Variants in STK3 observed in about 807,000 individuals in gnomAD.
STK3 encodes serine/threonine-protein kinase 3.
Under a neutral mutation model 58.0 loss-of-function variants are expected in STK3, and 41 were observed. That is an observed-to-expected ratio of 0.71 (90% confidence interval 0.55 to 0.92). STK3 has a LOEUF of 0.92. Ranked by LOEUF, STK3 falls within the 40% of genes least tolerant of loss-of-function variation. The pLI is 0.00. For missense variants in STK3, 479 were observed against 602.7 expected, an observed-to-expected ratio of 0.79 and a Z score of 2.15; for synonymous variants, 170 against 191.0, an observed-to-expected ratio of 0.89 and a Z score of 0.91.
rs1461958580 is a variant in STK3 at position 98,545,514 on chromosome 8, C to T, written c.1141+2455G>A. On this transcript the variant is annotated intron_variant, in intron 9 of 10. Coordinates refer to ENST00000419617, the MANE Select transcript of STK3 (RefSeq NM_006281.4). ...AAATACTTTTTGTCATTTTTCTCCA[C>T]TTCCCTTCAAAGGGTCTGTGGGTAA... Among the ~76,000 whole-genome samples, 3 of 152,302 alleles carry T rather than the reference C, an allele frequency of 2.0e-5. No homozygotes were observed. The East Asian group carries it at 5.8e-4, about 29-fold the overall frequency.
At chr8:98,695,851 T>C (rs1165323602) in intron 6 of STK3, among the ~76,000 whole-genome samples, 2 of 152,250 alleles carry the variant, frequency 1.3e-5, no homozygotes, top group Non-Finnish European at 2.9e-5. Flanking sequence ...ATGCGGGCTC[T>C]TTTTGGGTTC....
chr8:98,656,919 G>A (rs1821586268), intron 6 of STK3, among the ~76,000 whole-genome samples: 1 of 152,016 alleles, frequency 6.6e-6, no homozygotes, highest in South Asian at 2.1e-4. Flanking sequence ...TACTCTGAAA[G>A]GTGGATGAAA....
chr8:98,728,964 A>T (rs1369868401), intron 4 of STK3, among the ~76,000 whole-genome samples: 2 of 152,200 alleles, frequency 1.3e-5, no homozygotes, highest in Non-Finnish European at 2.9e-5. Flanking sequence ...ACATATACAT[A>T]TTTTTAAAAT....
downstream of STK3, among the ~76,000 whole-genome samples, chr8:98,454,221 TC>T (rs996095965): frequency 2.6e-5 from 4 of 152,150 alleles, no homozygotes; most frequent in African/African-American, 9.7e-5. Flanking sequence ...TCCTGTTCTC[TC>T]CCCTCCAGCT....
intron 1 of STK3, among the ~76,000 whole-genome samples, chr8:98,898,801 G>A (rs763361665): frequency 4.6e-5 from 7 of 152,146 alleles, no homozygotes; most frequent in African/African-American, 1.4e-4. Flanking sequence ...TATTTAAAAC[G>A]AAAGAAATAT....
chr8:98,571,105 G>A (rs975659987), intron 8 of STK3, among the ~76,000 whole-genome samples: 3 of 152,120 alleles, frequency 2.0e-5, no homozygotes, highest in African/African-American at 4.8e-5. Flanking sequence ...CAAGGCGGGT[G>A]GATCACTTGA....
rs145831889 is a variant in STK3 at position 98,793,591 on chromosome 8, T to C, written c.27-18772A>G. Among the ~76,000 whole-genome samples, 28 of 152,184 alleles carry C rather than the reference T, an allele frequency of 1.8e-4. No individual in the cohort carries two copies. In the East Asian group the frequency reaches 5.2e-3, roughly 28 times the overall value. ...AGACTTAAACAACCATACATAATAA[T>C]GGGAGACTTCAACAGCCCACTGACT... On this transcript the variant is annotated intron_variant, in intron 1 of 10. Coordinates refer to ENST00000419617, the MANE Select transcript of STK3 (RefSeq NM_006281.4).
At chr8:98,920,639 A>G (rs1434555075) in intron 1 of STK3, among the ~76,000 whole-genome samples, 1 of 152,182 alleles carries the variant, frequency 6.6e-6, no homozygotes, top group Admixed American at 6.5e-5. Flanking sequence ...ATTTTTCCAG[A>G]AGCTCTAGTT....
chr8:98,583,409 G>A (rs1814111600), intron 7 of STK3, among the ~76,000 whole-genome samples: 1 of 143,590 alleles, frequency 7.0e-6, no homozygotes, highest in Non-Finnish European at 1.5e-5. Context: ...CTTTCCAAGT[G>A]ATTTTTATGC....
chr8:98,379,536 T>C (rs1304884551), intron 1 of STK3, among the ~76,000 whole-genome samples: 2 of 152,220 alleles, frequency 1.3e-5, no homozygotes, highest in African/African-American at 4.8e-5. Context: ...CAATGACCTG[T>C]GGTGCAGCTT....
chr8:98,661,660 G>C (rs1173741597), intron 6 of STK3, among the ~76,000 whole-genome samples: 5 of 152,040 alleles, frequency 3.3e-5, no homozygotes, highest in Admixed American at 3.3e-4. Flanking sequence ...TAATATACAG[G>C]TCAGGACATG....
At chr8:98,477,342 A>G (rs1269151426) in intron 10 of STK3, among the ~76,000 whole-genome samples, 2 of 152,118 alleles carry the variant, frequency 1.3e-5, no homozygotes, top group Non-Finnish European at 2.9e-5. Context: ...TATCTATGTC[A>G]ATCTAATTCT....
chr8:98,691,395 A>T (rs1824391724), intron 6 of STK3, among the ~76,000 whole-genome samples: 1 of 152,202 alleles, frequency 6.6e-6, no homozygotes. Context: ...CAACTAAGTC[A>T]TTTGCATAGA....
intron 6 of STK3, among the ~76,000 whole-genome samples, chr8:98,694,240 C>T (rs1346973837): frequency 1.3e-5 from 2 of 152,258 alleles, no homozygotes; most frequent in African/African-American, 4.8e-5. Context: ...TTTTTGAAAA[C>T]ATCATTCATC....
At chr8:98,720,141 A>G (rs1417542564) in intron 4 of STK3, among the ~76,000 whole-genome samples, 4 of 152,218 alleles carry the variant, frequency 2.6e-5, no homozygotes, top group Non-Finnish European at 4.4e-5. Context: ...CCCTCAATAA[A>G]ATCACTTTAA....
intron 2 of STK3, among the ~76,000 whole-genome samples, chr8:98,376,096 A>G (rs1817671777): frequency 6.6e-6 from 1 of 152,198 alleles, no homozygotes; most frequent in Non-Finnish European, 1.5e-5. Context: ...CTATCAGTAT[A>G]TATTTCTAGA....
chr8:98,427,149 G>C (rs1428759809), intron 3 of STK3: 1 of 150,366 alleles, frequency 6.7e-6, no homozygotes, highest in African/African-American at 2.4e-5. Flanking sequence ...TGCGGGCGGC[G>C]GCGGCGTACC....
At chr8:98,349,347 G>A in the STK3 span, among the ~76,000 whole-genome samples, 4 of 152,346 alleles carry the variant, frequency 2.6e-5, no homozygotes, top group South Asian at 8.3e-4. Context: ...CAAGAGGTGG[G>A]CTCCCATGGT....
downstream of STK3, among the ~76,000 whole-genome samples, chr8:98,400,506 C>T (rs1479340148): frequency 5.2e-5 from 8 of 152,392 alleles, no homozygotes; most frequent in African/African-American, 1.9e-4. Context: ...AGATCCCTGC[C>T]TTCCCTGCCA....
Sources: allele counts gnomAD v4.1 joint callset (sites outside exome capture counted in the v4.1 genomes callset), GRCh38; gene constraint gnomAD v4.1.1; transcripts MANE v1.5; gene names NCBI Gene and HGNC (gene_info 2026-07-23, HGNC 2026-07-21).